The following GRIK1 variants were observed in gnomAD, a reference collection of about 807,000 sequenced individuals.
The protein encoded by GRIK1 is glutamate receptor ionotropic, kainate 1.
A neutral mutation model predicts 105.7 loss-of-function variants in GRIK1; 69 were observed. That is an observed-to-expected ratio of 0.65 (90% CI 0.54 to 0.80). The LOEUF is 0.80. GRIK1 is among the 30% of genes least tolerant of loss of function. GRIK1 has a pLI of 0.00. For synonymous variants in GRIK1, 438 were observed against 431.3 expected, an observed-to-expected ratio of 1.02 and a Z score of -0.19; for missense variants, 1,109 against 1,167.3, an observed-to-expected ratio of 0.95 and a Z score of 0.73.
chr21:29,881,049 T>C (rs973436776), intron 1 of GRIK1, among the ~76,000 whole-genome samples: 8 of 152,186 alleles, frequency 5.3e-5, no homozygotes, highest in Non-Finnish European at 1.0e-4. Context: ...ACTAAATTTC[T>C]GTGGAAAAGC....
At chr21:29,654,049 C>G (rs1216659712) in intron 5 of GRIK1, among the ~76,000 whole-genome samples, 1 of 152,100 alleles carries the variant, frequency 6.6e-6, no homozygotes, top group Admixed American at 6.5e-5. Flanking sequence ...GAATCCAGGT[C>G]AAATTTAGCT....
rs573363096 is a variant in GRIK1, at chr21:29,781,764, G to A, written c.119-87701C>T. 6.6e-4 allele frequency among the ~76,000 whole-genome samples: 84 copies of A among 126,900 alleles called. 1 individual carries two copies. The highest frequency in any genetic ancestry group is 1.9e-3 in the East Asian group (7 of 3,744). The allele number at this position is 126,900 out of a possible 152,430, so 83.3% of individuals were successfully genotyped here. A position where few individuals can be genotyped will look rare whatever the true frequency, so the allele number is the denominator to read the frequency against. ...CGGCTCACTGCAAGCTCCGCTTCCCGGGTTCACGCCATTCTCCTGCCTCAG... is the reference window on the plus strand; with the variant it reads ...CGGCTCACTGCAAGCTCCGCTTCCCAGGTTCACGCCATTCTCCTGCCTCAG... On this transcript the variant is annotated intron_variant, in intron 1 of 17. Transcript: ENST00000327783.
chr21:29,607,590 T>C lies in GRIK1; in HGVS notation c.1099-8653A>G, dbSNP rs369930958. On this transcript the variant is annotated intron_variant, in intron 7 of 17. Transcript: ENST00000327783. ...AAAAAGTTCACAGAAATTGCTTGTA[T>C]GTAAAAATGCAAGTTCATGTAACCA... 1.2e-4 allele frequency among the ~76,000 whole-genome samples: 18 copies of C among 152,324 alleles called. No homozygotes were observed. The East Asian group carries it at 2.5e-3, about 21-fold the overall frequency.
chr21:29,799,188 G>T (rs961553494), intron 1 of GRIK1, among the ~76,000 whole-genome samples: 3 of 152,108 alleles, frequency 2.0e-5, no homozygotes, highest in Non-Finnish European at 4.4e-5. Context: ...CCTTTAATGT[G>T]CCATCAAAGC....
intron 7 of GRIK1, among the ~76,000 whole-genome samples, chr21:29,617,663 T>C (rs2061884563): frequency 6.6e-6 from 1 of 152,206 alleles, no homozygotes; most frequent in Admixed American, 6.5e-5. Context: ...TTCATTAGCA[T>C]AGGGAATAGA....
At chr21:29,665,259 A>G (rs1035818245) in intron 4 of GRIK1, among the ~76,000 whole-genome samples, 3 of 152,198 alleles carry the variant, frequency 2.0e-5, no homozygotes, top group Non-Finnish European at 2.9e-5. Flanking sequence ...GTTATCCACA[A>G]AGGTCAATTA....
At chr21:29,595,340 G>GTTTTTTTTTTT (rs71191119) in intron 9 of GRIK1, among the ~76,000 whole-genome samples, 6 of 136,976 alleles carry the variant, frequency 4.4e-5, no homozygotes, top group Non-Finnish European at 4.7e-5. Context: ...AGTGTAATAG[G>GTTTTTTTTTTT]TTTTTTTTTT....
intron 16 of GRIK1, among the ~76,000 whole-genome samples, chr21:29,538,551 G>C (rs529910748): frequency 6.6e-6 from 1 of 151,606 alleles, no homozygotes; most frequent in Non-Finnish European, 1.5e-5. Context: ...ATTTTTAAGC[G>C]GTTAGATCTC....
At chr21:29,800,465 T>C (rs754606080) in intron 1 of GRIK1, among the ~76,000 whole-genome samples, 1 of 152,234 alleles carries the variant, frequency 6.6e-6, no homozygotes, top group South Asian at 2.1e-4. Context: ...TTCACACATA[T>C]ATGACAGAAT....
At chr21:29,612,005 C>T (rs1169890524) in intron 7 of GRIK1, among the ~76,000 whole-genome samples, 1 of 152,168 alleles carries the variant, frequency 6.6e-6, no homozygotes, top group Non-Finnish European at 1.5e-5. Context: ...TTCTCAGTTT[C>T]TCTGGTTCAC....
chr21:29,905,612 ATTTTGTATTT>A (rs1569207172), intron 1 of GRIK1, among the ~76,000 whole-genome samples: 3 of 139,232 alleles, frequency 2.2e-5, no homozygotes, highest in African/African-American at 8.1e-5. Context: ...TGCCCAGCAA[ATTTTGTATTT>A]TTTTTTTTTT....
At chr21:29,816,737 A>G (rs975120873) in intron 1 of GRIK1, among the ~76,000 whole-genome samples, 4 of 152,136 alleles carry the variant, frequency 2.6e-5, no homozygotes, top group Non-Finnish European at 4.4e-5. Context: ...GGGAGCTAAG[A>G]AAGTCAATCC....
rs544233849 is a variant in GRIK1, at chr21:29,792,398, GA to G, written c.119-98336del. ...TTGAAATGTCTTGTGGGTGAGGTGA[GA>G]AAATTACTTCCTGAAGGTGCATTTA... On this transcript the variant is annotated intron_variant, in intron 1 of 17. Transcript: ENST00000327783. 1.0e-3 allele frequency among the ~76,000 whole-genome samples: 154 copies of G among 152,268 alleles called. 1 individual carries two copies. Among genetic ancestry groups the G allele is most frequent in the African/African-American group, 3.5e-3 (147 of 41,564 alleles).
chr21:29,588,006 ACT>A (rs1185793939), intron 11 of GRIK1, among the ~76,000 whole-genome samples: 1 of 101,728 alleles, frequency 9.8e-6, no homozygotes, highest in Non-Finnish European at 1.8e-5. Context: ...GCGGAGTCTC[ACT>A]CTGTCGCCCA....
At chr21:29,643,296 T>C (rs1387030667) in intron 6 of GRIK1, among the ~76,000 whole-genome samples, 4 of 152,234 alleles carry the variant, frequency 2.6e-5, no homozygotes, top group Non-Finnish European at 5.9e-5. Flanking sequence ...TAAGATCAAC[T>C]ACCTTGAGCT....
chr21:29,939,708 C>T lies in GRIK1; in HGVS notation c.-208G>A. The T allele has an allele frequency of 2.1e-6, 1 of 466,310 alleles. No individual in the cohort carries two copies. The allele number at this position is 466,310 out of a possible 1,614,324, so 28.9% of individuals were successfully genotyped here. On this transcript the variant is annotated 5_prime_UTR_variant, in exon 1 of 18. Coordinates refer to ENST00000327783, the MANE Select transcript of GRIK1 (RefSeq NM_001330994.2). ...TGAGCTCTCTCGGGGCTCCTCAGTG[C>T]TGTCGCTAGCCCATCACGGCTCCTC...
At chr21:29,779,487 C>A (rs2066032295) in intron 1 of GRIK1, among the ~76,000 whole-genome samples, 1 of 108,064 alleles carries the variant, frequency 9.3e-6, no homozygotes, top group Admixed American at 9.9e-5. Flanking sequence ...TTGTTTTGCC[C>A]TTTTATGGTG....
At chr21:29,861,600 C>T in intron 1 of GRIK1, 1 of 306,578 alleles carries the variant, frequency 3.3e-6, no homozygotes, top group Non-Finnish European at 6.1e-6. Context: ...AGCCAACACG[C>T]CCGGCTGCAC....
intron 1 of GRIK1, among the ~76,000 whole-genome samples, chr21:29,762,687 G>T (rs1482868142): frequency 1.3e-5 from 2 of 149,892 alleles, no homozygotes; most frequent in African/African-American, 5.1e-5. Flanking sequence ...TAGAGCTGTA[G>T]CACCAGGAGG....
Sources: gnomAD v4.1 joint callset for allele counts (sites outside exome capture counted in the v4.1 genomes callset) on GRCh38, gnomAD v4.1.1 for gene constraint, MANE v1.5 for transcripts, NCBI Gene and HGNC (gene_info 2026-07-23, HGNC 2026-07-21) for gene names.